Variants in MEMO1 observed in about 807,000 individuals in gnomAD.
The protein encoded by MEMO1 is protein MEMO1.
A neutral mutation model predicts 45.2 loss-of-function variants in MEMO1; 6 were observed. That is an observed-to-expected ratio of 0.13 (90% CI 0.07 to 0.26). The LOEUF is 0.26. Among genes scored for constraint, MEMO1 ranks in the 10% least tolerant of loss-of-function variants. MEMO1 has a pLI of 1.00. For synonymous variants in MEMO1, 78 were observed against 124.3 expected, an observed-to-expected ratio of 0.63 and a Z score of 2.48; for missense variants, 184 against 370.5, an observed-to-expected ratio of 0.50 and a Z score of 4.13.
chr2:32,003,341 G>T (rs989912136), intron 2 of MEMO1, among the ~76,000 whole-genome samples: 1 of 151,984 alleles, frequency 6.6e-6, no homozygotes, highest in Non-Finnish European at 1.5e-5. Context: ...TCAGACTTTG[G>T]ATATTTCCTC....
chr2:32,005,274 C>T (rs1673918439), intron 2 of MEMO1, among the ~76,000 whole-genome samples: 2 of 139,776 alleles, frequency 1.4e-5, no homozygotes, highest in Admixed American at 7.7e-5. Context: ...GAGCTATGAT[C>T]GAGCCACGGC....
intron 6 of MEMO1, among the ~76,000 whole-genome samples, chr2:31,894,250 T>C (rs746346089): frequency 6.6e-6 from 1 of 152,218 alleles, no homozygotes. Flanking sequence ...AATGGAAACC[T>C]GGCATCTTAC....
chr2:31,900,140 G>C (rs990762327), intron 6 of MEMO1, among the ~76,000 whole-genome samples: 2 of 152,164 alleles, frequency 1.3e-5, no homozygotes, highest in Admixed American at 1.3e-4. Context: ...CAAGGATCTA[G>C]AACTAGAAAT....
At chr2:31,975,203 T>C (rs996343734) in intron 2 of MEMO1, among the ~76,000 whole-genome samples, 6 of 152,248 alleles carry the variant, frequency 3.9e-5, no homozygotes, top group African/African-American at 1.4e-4. Context: ...AAATAACGTT[T>C]ATTCCTACTT....
intron 2 of MEMO1, among the ~76,000 whole-genome samples, chr2:31,999,777 CCTGCT>C (rs1437914292): frequency 6.6e-6 from 1 of 152,122 alleles, no homozygotes; most frequent in Non-Finnish European, 1.5e-5. Context: ...ATATTCCAGG[CCTGCT>C]CTAGCCTCAG....
At chr2:31,890,623 G>A (rs895222435) in intron 7 of MEMO1, among the ~76,000 whole-genome samples, 1 of 152,032 alleles carries the variant, frequency 6.6e-6, no homozygotes, top group Non-Finnish European at 1.5e-5. Context: ...AAAAGAAGAA[G>A]AACCCTGAGA....
At chr2:31,901,908 CAA>C (rs879646166) in intron 6 of MEMO1, among the ~76,000 whole-genome samples, 2 of 130,144 alleles carry the variant, frequency 1.5e-5, no homozygotes, top group Non-Finnish European at 1.7e-5. Flanking sequence ...GACTTCATCT[CAA>C]AAAAAAAAAA....
intron 2 of MEMO1, among the ~76,000 whole-genome samples, chr2:31,971,316 T>C (rs940154637): frequency 6.6e-6 from 1 of 152,158 alleles, no homozygotes; most frequent in Non-Finnish European, 1.5e-5. Context: ...GGTGCAATCA[T>C]AGCTTACTGC....
intron 2 of MEMO1, among the ~76,000 whole-genome samples, chr2:31,949,239 ATCCAGC>A (rs1213294737): frequency 1.3e-5 from 2 of 152,174 alleles, no homozygotes; most frequent in African/African-American, 4.8e-5. Flanking sequence ...CTACCATAGG[ATCCAGC>A]AATTTTCCTG....
At chr2:31,960,748 G>C (rs1667919174) in intron 2 of MEMO1, among the ~76,000 whole-genome samples, 1 of 151,886 alleles carries the variant, frequency 6.6e-6, no homozygotes, top group Non-Finnish European at 1.5e-5. Flanking sequence ...ACCATACCCG[G>C]CTAATTTTTG....
In MEMO1 at chr2:31,963,109, G is replaced by C. The variant is rs575197010; in HGVS notation, c.62-19726C>G. The C allele has an allele frequency of 3.2e-5, 46 of 1,452,982 alleles. No homozygotes were observed. The African/African-American group carries it at 5.1e-4, about 16-fold the overall frequency. The allele number at this position is 1,452,982 out of a possible 1,614,324, so 90.0% of individuals were successfully genotyped here. A position where few individuals can be genotyped will look rare whatever the true frequency, so the allele number is the denominator to read the frequency against. On this transcript the variant is annotated intron_variant, in intron 2 of 9. Coordinates refer to ENST00000404530, the MANE Select transcript of MEMO1 (RefSeq NM_001301833.4). The stretch of plus-strand genomic sequence containing the variant: ...TCTTGAGTCAACCAACCCATCCTCA[G>C]TCTCTAACTACACCATTAGCTCTCC...
intron 8 of MEMO1, among the ~76,000 whole-genome samples, chr2:31,878,037 G>C (rs973697611): frequency 3.9e-5 from 6 of 152,164 alleles, no homozygotes; most frequent in African/African-American, 1.4e-4. Context: ...AGAAAAAGTG[G>C]AACAGGGTAC....
chr2:31,996,553 G>C (rs1253778002), intron 2 of MEMO1, among the ~76,000 whole-genome samples: 2 of 151,646 alleles, frequency 1.3e-5, no homozygotes, highest in Non-Finnish European at 2.9e-5. Flanking sequence ...CAAAAAAAAA[G>C]GAAACTAAAA....
At chr2:31,970,726 C>T (rs982739044) in intron 2 of MEMO1, among the ~76,000 whole-genome samples, 8 of 151,868 alleles carry the variant, frequency 5.3e-5, no homozygotes, top group Admixed American at 2.0e-4. Context: ...GATATTCAGC[C>T]GGCACGGTGG....
intron 2 of MEMO1, among the ~76,000 whole-genome samples, chr2:31,985,615 C>A (rs1005604360): frequency 1.3e-5 from 2 of 152,172 alleles, no homozygotes; most frequent in Non-Finnish European, 2.9e-5. Context: ...CGTGAGACAC[C>A]ACACCCAGCC....
intron 2 of MEMO1, among the ~76,000 whole-genome samples, chr2:31,979,087 G>C (rs1297599677): frequency 6.6e-6 from 1 of 152,198 alleles, no homozygotes; most frequent in Non-Finnish European, 1.5e-5. Context: ...GGTGGCAGAA[G>C]GTGAGGGGGA....
chr2:32,002,727 T>A (rs1478109085), intron 2 of MEMO1, among the ~76,000 whole-genome samples: 1 of 152,184 alleles, frequency 6.6e-6, no homozygotes, highest in Non-Finnish European at 1.5e-5. Flanking sequence ...ACCTATGAAA[T>A]ATACTTAATG....
At chr2:31,959,933 C>G (rs569759159) in intron 2 of MEMO1, among the ~76,000 whole-genome samples, 1 of 152,292 alleles carries the variant, frequency 6.6e-6, no homozygotes, top group South Asian at 2.1e-4. Flanking sequence ...AAATGTTAAT[C>G]ATTTCTGGCC....
At chr2:31,895,386 G>C (rs1380137919) in intron 6 of MEMO1, among the ~76,000 whole-genome samples, 1 of 152,148 alleles carries the variant, frequency 6.6e-6, no homozygotes, top group African/African-American at 2.4e-5. Context: ...TCAAAGTTAT[G>C]ATGATATAAC....
Sources: gnomAD v4.1 joint callset for allele counts (sites outside exome capture counted in the v4.1 genomes callset) on GRCh38, gnomAD v4.1.1 for gene constraint, MANE v1.5 for transcripts, NCBI Gene and HGNC (gene_info 2026-07-23, HGNC 2026-07-21) for gene names.